Variants in AKAP6 observed in about 807,000 individuals in gnomAD.
AKAP6 encodes A-kinase anchoring protein 6, also known as A-kinase anchor protein 6.
A neutral mutation model predicts 188.5 loss-of-function variants in AKAP6; 58 were observed. The ratio of observed to expected loss-of-function variants is 0.31; its 90% CI spans 0.25 to 0.38. The LOEUF is 0.38. AKAP6 is among the 10% of genes least tolerant of loss of function. The pLI, the probability that AKAP6 is intolerant of heterozygous loss-of-function variation, is 1.00. For missense variants in AKAP6, 2,710 were observed against 2,740.0 expected, an observed-to-expected ratio of 0.99 and a Z score of 0.24; for synonymous variants, 989 against 998.6, an observed-to-expected ratio of 0.99 and a Z score of 0.18.
At chr14:32,610,736 T>G (rs1886317214) in intron 7 of AKAP6, among the ~76,000 whole-genome samples, 1 of 152,174 alleles carries the variant, frequency 6.6e-6, no homozygotes, top group Admixed American at 6.5e-5. Flanking sequence ...AATAGCATGG[T>G]CAAAAGTATG....
chr14:32,494,402 C>T (rs1048800935), intron 2 of AKAP6: 1 of 152,164 alleles, frequency 6.6e-6, no homozygotes, highest in Non-Finnish European at 1.5e-5. Context: ...GTTTTCCTTC[C>T]ACTGTTTATT....
At chr14:32,425,978 A>G (rs77570830) in intron 1 of AKAP6, among the ~76,000 whole-genome samples, 1 of 152,056 alleles carries the variant, frequency 6.6e-6, no homozygotes, top group African/African-American at 2.4e-5. Flanking sequence ...TTATAGTTTT[A>G]GGTTTTACAT....
At position 32,725,478 on chromosome 14, in the gene AKAP6, C is replaced by T. The variant is rs28394065; in HGVS notation, c.3001-6976C>T. 3.7e-3 allele frequency among the ~76,000 whole-genome samples: 567 copies of T among 152,236 alleles called. 5 individuals carry two copies. Among genetic ancestry groups the T allele is most frequent in the African/African-American group, 0.013 (542 of 41,536 alleles). ...ACTTTTTTTTCTTTTTCACTATCCT[C>T]CTTCATGTTGAGATTTTTTTTTCTC... On this transcript the variant is annotated intron_variant, in intron 9 of 13. Coordinates refer to ENST00000280979, the MANE Select transcript of AKAP6 (RefSeq NM_004274.5).
At chr14:32,634,248 C>T (rs1183436421) in intron 7 of AKAP6, among the ~76,000 whole-genome samples, 1 of 151,962 alleles carries the variant, frequency 6.6e-6, no homozygotes, top group African/African-American at 2.4e-5. Flanking sequence ...ATAAGAGTAC[C>T]CAACTCACAG....
chr14:32,510,451 C>CATATATATATATATAT (rs33924445), intron 2 of AKAP6, among the ~76,000 whole-genome samples: 1 of 35,826 alleles, frequency 2.8e-5, no homozygotes, highest in Admixed American at 3.0e-4. Context: ...TATATATATA[C>CATATATATATATATAT]ATATATATGT....
chr14:32,709,013 T>G lies in AKAP6; in HGVS notation c.3000+12903T>G, dbSNP rs532125769. On this transcript the variant is annotated intron_variant, in intron 9 of 13. Transcript: ENST00000280979. ...CTTAAGTATAAATGAGTCTCTAGGG[T>G]TAAGCTAATTGAAATATTTTCTGTA... 5.9e-5 allele frequency among the ~76,000 whole-genome samples: 9 copies of G among 152,180 alleles called. No individual in the cohort carries two copies. In the South Asian group the frequency reaches 1.9e-3, roughly 32 times the overall value.
intron 9 of AKAP6, among the ~76,000 whole-genome samples, chr14:32,703,566 T>C (rs535999550): frequency 5.9e-5 from 9 of 152,204 alleles, no homozygotes; most frequent in South Asian, 2.1e-4. Context: ...ATAACAGTTA[T>C]GTTTCTCTTG....
At chr14:32,446,789 A>G (rs1890769557) in intron 2 of AKAP6, among the ~76,000 whole-genome samples, 1 of 152,176 alleles carries the variant, frequency 6.6e-6, no homozygotes, top group Non-Finnish European at 1.5e-5. Context: ...TTCCAGAACA[A>G]GTTTATTGAC....
At chr14:32,773,083 G>A (rs1309417253) in intron 11 of AKAP6, among the ~76,000 whole-genome samples, 1 of 152,122 alleles carries the variant, frequency 6.6e-6, no homozygotes, top group Non-Finnish European at 1.5e-5. Context: ...AAATAGTGCA[G>A]TAATAATCCA....
At chr14:32,564,292 C>T (rs888296611) in intron 4 of AKAP6, among the ~76,000 whole-genome samples, 3 of 151,920 alleles carry the variant, frequency 2.0e-5, no homozygotes, top group Admixed American at 6.6e-5. Flanking sequence ...TATGGAGGGC[C>T]GACTGTATTT....
intron 8 of AKAP6, among the ~76,000 whole-genome samples, chr14:32,692,534 C>A (rs1376227909): frequency 6.6e-6 from 1 of 152,104 alleles, no homozygotes; most frequent in African/African-American, 2.4e-5. Context: ...AACAAAATCT[C>A]ACGTAAAGAA....
chr14:32,504,813 C>T (rs778435883), intron 2 of AKAP6, among the ~76,000 whole-genome samples: 5 of 152,192 alleles, frequency 3.3e-5, no homozygotes, highest in South Asian at 4.1e-4. Flanking sequence ...AAGATACAGT[C>T]GTGCTCATGT....
At chr14:32,445,705 T>C (rs1205879262) in intron 2 of AKAP6, among the ~76,000 whole-genome samples, 1 of 152,154 alleles carries the variant, frequency 6.6e-6, no homozygotes, top group African/African-American at 2.4e-5. Context: ...ATATGGTGTC[T>C]GTCATAACAT....
At chr14:32,659,059 A>C (rs1455104181) in intron 7 of AKAP6, among the ~76,000 whole-genome samples, 2 of 152,086 alleles carry the variant, frequency 1.3e-5, no homozygotes, top group Non-Finnish European at 2.9e-5. Context: ...CATGTTTTGT[A>C]AGTTGAAGAC....
In AKAP6 at chr14:32,821,560, G is replaced by C. The variant is rs1157359628; in HGVS notation, c.3747G>C (p.Leu1249Phe). 5.6e-6 allele frequency: 9 copies of C among 1,613,588 alleles called. No homozygotes were observed. The highest frequency in any genetic ancestry group is 1.3e-5 in the African/African-American group (1 of 74,840). The part of the protein sequence containing the change: ...DQELQPVIPS[L>F]KLGETSNEDP... ...AACTCCAACCTGTTATCCCTTCCTT[G>C]AAGCTTGGAGAGACAAGTAATGAGG... Residue 1249 changes from leucine to phenylalanine, a missense_variant, in exon 13 of 14, where the codon TTG (leucine) becomes TTC (phenylalanine). Transcript: ENST00000280979.
chr14:32,602,471 G>A (rs1885967125), intron 7 of AKAP6, among the ~76,000 whole-genome samples: 1 of 151,956 alleles, frequency 6.6e-6, no homozygotes, highest in Admixed American at 6.6e-5. Flanking sequence ...CTCCAACCTG[G>A]GCAACAGAGA....
chr14:32,614,480 C>A (rs1159247520), intron 7 of AKAP6, among the ~76,000 whole-genome samples: 2 of 152,158 alleles, frequency 1.3e-5, no homozygotes, highest in East Asian at 3.9e-4. Flanking sequence ...ATAGTTCTTT[C>A]TTCTCATAAG....
At chr14:32,790,555 G>A (rs2033576657) in intron 12 of AKAP6, among the ~76,000 whole-genome samples, 1 of 152,040 alleles carries the variant, frequency 6.6e-6, no homozygotes, top group Non-Finnish European at 1.5e-5. Flanking sequence ...AGAAGAGATT[G>A]GGGGCTAATG....
Position 32,658,780 on chromosome 14 carries a change from T to TAA in AKAP6, c.2731-19517_2731-19516dup, listed in dbSNP as rs34420236. Among the ~76,000 whole-genome samples, 41 of 136,024 alleles carry TAA rather than the reference T, an allele frequency of 3.0e-4. 1 individual carries two copies. Among genetic ancestry groups the TAA allele is most frequent in the Non-Finnish European group, 5.6e-4 (35 of 62,602 alleles). 89.2% of individuals were successfully genotyped at this position (136,024 alleles called of 152,430 possible). The stretch of plus-strand genomic sequence containing the variant: ...GTAGGTTCATTTTTAAAGTCTTCTT[T>TAA]AAAAAAAAAAAAAAAGCCTAACTAT... On this transcript the variant is annotated intron_variant, in intron 7 of 13. Coordinates refer to ENST00000280979, the MANE Select transcript of AKAP6 (RefSeq NM_004274.5).
Sources: allele counts gnomAD v4.1 joint callset (sites outside exome capture counted in the v4.1 genomes callset), GRCh38; gene constraint gnomAD v4.1.1; transcripts MANE v1.5; gene names NCBI Gene and HGNC (gene_info 2026-07-23, HGNC 2026-07-21).